The following SLC1A1 variants were observed in gnomAD, a reference collection of about 807,000 sequenced individuals.
The protein encoded by SLC1A1 is excitatory amino acid transporter 3.
Under a neutral mutation model 53.3 loss-of-function variants are expected in SLC1A1, and 43 were observed. The ratio of observed to expected loss-of-function variants is 0.81; its 90% CI spans 0.63 to 1.04. The LOEUF (loss-of-function observed/expected upper bound fraction) is 1.04, where lower values mean the gene tolerates loss of function less well. Ranked by LOEUF, SLC1A1 falls within the 50% of genes least tolerant of loss-of-function variation. The pLI is 0.00. For synonymous variants in SLC1A1, 307 were observed against 243.2 expected (o/e 1.26, Z -2.44); for missense variants, 748 against 664.9 (o/e 1.12, Z -1.37).
At chr9:4,567,519 C>T (rs1228911651) in intron 5 of SLC1A1, 150 bp from the exon 6 acceptor site, 4 of 663,456 alleles carry the variant, frequency 6.0e-6, no homozygotes, top group South Asian at 1.6e-5. Flanking sequence ...TGGGAGGTAC[C>T]GTTGACAACT....
At chr9:4,514,244 C>G (rs1821089995) in intron 1 of SLC1A1, among the ~76,000 whole-genome samples, 1 of 152,158 alleles carries the variant, frequency 6.6e-6, no homozygotes, top group Admixed American at 6.6e-5. Flanking sequence ...GCATACATGT[C>G]CAGCATTTGC....
At chr9:4,544,318 T>G (rs538552278) in intron 1 of SLC1A1, among the ~76,000 whole-genome samples, 1 of 152,348 alleles carries the variant, frequency 6.6e-6, no homozygotes, top group Non-Finnish European at 1.5e-5. Context: ...GTGTAATTGA[T>G]AGCGAAGAAA....
At chr9:4,505,041 A>ATTTCT (rs1245045510) in intron 1 of SLC1A1, among the ~76,000 whole-genome samples, 2 of 73,826 alleles carry the variant, frequency 2.7e-5, no homozygotes, top group South Asian at 4.7e-4. Context: ...GTGTACATAT[A>ATTTCT]TTTCTTTTTT....
In SLC1A1 at chr9:4,563,173, G is replaced by A. The variant is rs568718467; in HGVS notation, c.326-1171G>A. ...AAAAAAAAAAAGAAGAATGCCCAGA[G>A]GGGGAAGACAGAAGGAGCATATACT... On this transcript the variant is annotated intron_variant, in intron 3 of 11. Coordinates refer to ENST00000262352, the MANE Select transcript of SLC1A1 (RefSeq NM_004170.6). 3.2e-4 allele frequency among the ~76,000 whole-genome samples: 49 copies of A among 151,912 alleles called. No homozygotes were observed. In the South Asian group the frequency reaches 9.6e-3, roughly 30 times the overall value.
Position 4,544,680 on chromosome 9 carries a change from CCATT to C in SLC1A1, c.206_209del (p.Pro69GlnfsTer6). On this transcript the variant is annotated frameshift_variant, in exon 2 of 12. Transcript: ENST00000262352. LOFTEE classifies it high-confidence loss of function. ...GCGGATGCTGAAACTCATCATTTTG[CCATT>C]AATTATATCCAGCATGATTACAGGT... 1 of 1,613,404 alleles carries C rather than the reference CCATT, an allele frequency of 6.2e-7. No individual in the cohort carries two copies. The highest frequency in any genetic ancestry group is 8.5e-7 in the Non-Finnish European group (1 of 1,179,426).
chr9:4,569,152 A>G (rs925449388), intron 6 of SLC1A1, among the ~76,000 whole-genome samples: 9 of 152,184 alleles, frequency 5.9e-5, no homozygotes, highest in Admixed American at 5.2e-4. Context: ...AGAAACTGCT[A>G]TAGATTTGTC....
At position 4,567,786 on chromosome 9, in the gene SLC1A1, G is replaced by A. The variant is rs553655713; in HGVS notation, c.582+19G>A. 3 of 1,449,292 alleles carry A rather than the reference G, an allele frequency of 2.1e-6. No individual in the cohort carries two copies. Among genetic ancestry groups the A allele is most frequent in the Non-Finnish European group, 1.9e-6 (2 of 1,030,906 alleles). 89.8% of individuals were successfully genotyped at this position (1,449,292 alleles called of 1,614,324 possible). On this transcript the variant is annotated intron_variant, in intron 6 of 11. Coordinates refer to ENST00000262352, the MANE Select transcript of SLC1A1 (RefSeq NM_004170.6). ...TTCCAAGGTACCATTCTTATTTCCT[G>A]TTCCTCTTCCCCAGGAGACAGGCAC... is the stretch of plus-strand genomic sequence containing the variant.
At chr9:4,577,858 G>C (rs1421278108) in intron 10 of SLC1A1, among the ~76,000 whole-genome samples, 1 of 152,206 alleles carries the variant, frequency 6.6e-6, no homozygotes, top group East Asian at 1.9e-4. Flanking sequence ...CCAGTTAGGA[G>C]ACCACTGCAG....
At chr9:4,570,424 T>C (rs534556100) in intron 6 of SLC1A1, among the ~76,000 whole-genome samples, 2 of 151,508 alleles carry the variant, frequency 1.3e-5, no homozygotes, top group Non-Finnish European at 2.9e-5. Flanking sequence ...CAGGCTGGAG[T>C]GCAGTGGCGT....
chr9:4,533,266 G>A (rs1247801785), intron 1 of SLC1A1, among the ~76,000 whole-genome samples: 1 of 152,144 alleles, frequency 6.6e-6, no homozygotes, highest in Middle Eastern at 3.2e-3. Context: ...GACACAGACT[G>A]GCAAATTGGA....
chr9:4,533,641 A>G (rs957593155), intron 1 of SLC1A1, among the ~76,000 whole-genome samples: 2 of 152,192 alleles, frequency 1.3e-5, no homozygotes, highest in Non-Finnish European at 2.9e-5. Context: ...CACTGTCAAC[A>G]TTAGACAGAT....
chr9:4,579,563 T>A (rs1256035723), intron 10 of SLC1A1, among the ~76,000 whole-genome samples: 1 of 152,238 alleles, frequency 6.6e-6, no homozygotes, highest in Non-Finnish European at 1.5e-5. Context: ...TTAAAGCCTC[T>A]CCGGCTACCT....
chr9:4,496,277 T>A (rs1295224285), intron 1 of SLC1A1, among the ~76,000 whole-genome samples: 6 of 152,050 alleles, frequency 3.9e-5, no homozygotes, highest in Admixed American at 1.3e-4. Context: ...TTCAACAGCG[T>A]TGGGGATACA....
chr9:4,575,125 TAA>T (rs1438569217), intron 8 of SLC1A1, among the ~76,000 whole-genome samples: 3 of 152,194 alleles, frequency 2.0e-5, no homozygotes, highest in Non-Finnish European at 2.9e-5. Flanking sequence ...AACAGGAAAC[TAA>T]AAGTCAGTTC....
chr9:4,533,498 C>G (rs1816556234), intron 1 of SLC1A1, among the ~76,000 whole-genome samples: 2 of 152,174 alleles, frequency 1.3e-5, no homozygotes, highest in African/African-American at 4.8e-5. Flanking sequence ...GGGATCAATT[C>G]AACAAGAAGA....
intron 1 of SLC1A1, among the ~76,000 whole-genome samples, chr9:4,538,498 G>A (rs2130867321): frequency 6.6e-6 from 1 of 152,208 alleles, no homozygotes; most frequent in Admixed American, 6.5e-5. Context: ...AGGGATTTTG[G>A]GGCTCCAAGA....
intron 2 of SLC1A1, among the ~76,000 whole-genome samples, chr9:4,550,348 G>A (rs115052991): frequency 0.015 from 2,242 of 152,226 alleles, 62 homozygotes; most frequent in African/African-American, 0.052. Flanking sequence ...AAAATTTTTA[G>A]GGCTTGACCT....
At chr9:4,581,787 A>C (rs1448641410) in intron 10 of SLC1A1, among the ~76,000 whole-genome samples, 2 of 152,220 alleles carry the variant, frequency 1.3e-5, no homozygotes, top group East Asian at 3.8e-4. Flanking sequence ...ATTTACTATA[A>C]TTTGGTGGTC....
In SLC1A1 at chr9:4,548,590, C is replaced by G. The variant is rs1233672153; in HGVS notation, c.232+3883C>G. Among the ~76,000 whole-genome samples the G allele has an allele frequency of 2.0e-5, 3 of 152,168 alleles. No homozygotes were observed. In the South Asian group the frequency reaches 6.2e-4, roughly 32 times the overall value. ...GCTTTTTTAAAAAACAGGAAGAACC[C>G]CTTTTTATGTGATGATAAGGTTAAG... is the stretch of plus-strand genomic sequence containing the variant. On this transcript the variant is annotated intron_variant, in intron 2 of 11. Transcript: ENST00000262352.
Sources: gnomAD v4.1 joint callset for allele counts (sites outside exome capture counted in the v4.1 genomes callset) on GRCh38, gnomAD v4.1.1 for gene constraint, MANE v1.5 for transcripts, NCBI Gene and HGNC (gene_info 2026-07-23, HGNC 2026-07-21) for gene names.